TMEM132D: variants seen among roughly 807,000 people sequenced by gnomAD.
TMEM132D encodes the protein transmembrane protein 132D.
TMEM132D carries 21 observed loss-of-function variants against 62.3 expected under a neutral mutation model. That is an observed-to-expected ratio of 0.34 (90% confidence interval 0.24 to 0.49). TMEM132D has a LOEUF of 0.49. TMEM132D is among the 20% of genes least tolerant of loss of function. The pLI, the probability that TMEM132D is intolerant of heterozygous loss-of-function variation, is 0.99. For missense variants in TMEM132D, 1,346 were observed against 1,402.8 expected, an observed-to-expected ratio of 0.96 and a Z score of 0.65; for synonymous variants, 621 against 575.6, an observed-to-expected ratio of 1.08 and a Z score of -1.13.
intron 5 of TMEM132D, among the ~76,000 whole-genome samples, chr12:129,197,309 G>T (rs1000674898): frequency 6.6e-6 from 1 of 152,126 alleles, no homozygotes; most frequent in African/African-American, 2.4e-5. Flanking sequence ...AGAGTTTGCC[G>T]ACCCCTATTC....
intron 1 of TMEM132D, among the ~76,000 whole-genome samples, chr12:129,797,329 T>C (rs1871596626): frequency 6.6e-6 from 1 of 152,326 alleles, no homozygotes; most frequent in South Asian, 2.1e-4. Flanking sequence ...CTCGTTCCAC[T>C]GTATAGCAGT....
rs1248302027 is a variant in TMEM132D at position 129,078,546 on chromosome 12, C to A, written c.2103G>T (p.Gln701His). 3 of 1,613,820 alleles carry A rather than the reference C, an allele frequency of 1.9e-6. No homozygotes were observed. Among genetic ancestry groups the A allele is most frequent in the Non-Finnish European group, 2.5e-6 (3 of 1,179,968 alleles). The change falls in exon 8 of 9, where the codon CAG becomes CAT. Residue 701 changes from glutamine (Q) to histidine (H), a missense_variant. Coordinates refer to ENST00000422113, the MANE Select transcript of TMEM132D (RefSeq NM_133448.3). ...CCCTCCTCCATACCTGTTTTGGCCT[C>A]TGCAGAAGTTCCTGAGCCACTGCAG... ...FATAVAQELL[Q>H]RPKQEAAISC...
At chr12:129,390,892 T>A (rs527943358) in intron 3 of TMEM132D, among the ~76,000 whole-genome samples, 7 of 152,350 alleles carry the variant, frequency 4.6e-5, no homozygotes, top group Non-Finnish European at 4.4e-5. Context: ...ACTTTCATTA[T>A]CTCCATCTTA....
In TMEM132D at chr12:129,073,858, GTC is replaced by G; in HGVS notation, c.*15_*16del. The stretch of plus-strand genomic sequence containing the variant: ...GGCTGAAAGGTGAGTGAGAACCAAT[GTC>G]TGTGTGTGTCTGGCTTACACATTTT... On this transcript the variant is annotated 3_prime_UTR_variant, in exon 9 of 9. Coordinates refer to ENST00000422113, the MANE Select transcript of TMEM132D (RefSeq NM_133448.3). 6.6e-7 allele frequency: 1 copy of G among 1,517,168 alleles called. No homozygotes were observed. Among genetic ancestry groups the G allele is most frequent in the South Asian group, 1.3e-5 (1 of 74,734 alleles). The allele number at this position is 1,517,168 out of a possible 1,614,324, so 94.0% of individuals were successfully genotyped here.
intron 1 of TMEM132D, among the ~76,000 whole-genome samples, chr12:129,745,197 C>T (rs900839766): frequency 5.9e-5 from 9 of 152,180 alleles, no homozygotes; most frequent in African/African-American, 2.2e-4. Flanking sequence ...TTCTTTATAT[C>T]TATTTGAAAA....
chr12:129,478,969 G>C (rs1352957174), intron 3 of TMEM132D, among the ~76,000 whole-genome samples: 1 of 152,200 alleles, frequency 6.6e-6, no homozygotes, highest in African/African-American at 2.4e-5. Flanking sequence ...ATATATTTGT[G>C]GACTACTGCT....
intron 3 of TMEM132D, among the ~76,000 whole-genome samples, chr12:129,384,062 C>T (rs920492188): frequency 2.6e-5 from 4 of 152,240 alleles, no homozygotes; most frequent in Middle Eastern, 3.4e-3. Flanking sequence ...CATAACACAT[C>T]GTAAAAAAAG....
At chr12:129,448,823 G>A (rs1386014691) in intron 3 of TMEM132D, among the ~76,000 whole-genome samples, 1 of 152,146 alleles carries the variant, frequency 6.6e-6, no homozygotes. Flanking sequence ...CAAGCCTAAA[G>A]TATTTTGAAG....
intron 5 of TMEM132D, among the ~76,000 whole-genome samples, chr12:129,107,455 T>TTC (rs1046843360): frequency 2.0e-5 from 3 of 152,330 alleles, no homozygotes; most frequent in Non-Finnish European, 2.9e-5. Context: ...AAAACATCTC[T>TTC]TCACAGTCAT....
At chr12:129,198,856 C>T (rs1020652515) in intron 5 of TMEM132D, among the ~76,000 whole-genome samples, 1 of 152,100 alleles carries the variant, frequency 6.6e-6, no homozygotes, top group Non-Finnish European at 1.5e-5. Flanking sequence ...AATTATTTCA[C>T]ATTTTTTCAT....
Position 129,642,920 on chromosome 12 carries a change from CTTTTTTTTTTTT to C in TMEM132D, c.968+56878_968+56889del, listed in dbSNP as rs71082742. On this transcript the variant is annotated intron_variant, in intron 2 of 8. Transcript: ENST00000422113. ...AGACACAACCAAAGAATTTACAAAT[CTTTTTTTTTTTT>C]TTTTTTTTTGAGACGGAGTTTCACT... Among the ~76,000 whole-genome samples, 7 of 105,560 alleles carry C rather than the reference CTTTTTTTTTTTT, an allele frequency of 6.6e-5. No homozygotes were observed. The South Asian group carries it at 1.7e-3, about 25-fold the overall frequency. 69.3% of individuals were successfully genotyped at this position (105,560 alleles called of 152,430 possible).
chr12:129,842,403 T>C (rs1873226093), intron 1 of TMEM132D, among the ~76,000 whole-genome samples: 1 of 152,160 alleles, frequency 6.6e-6, no homozygotes, highest in African/African-American at 2.4e-5. Flanking sequence ...GAAATTATTC[T>C]CTTTCCGATG....
At position 129,894,985 on chromosome 12, in the gene TMEM132D, C is replaced by G. The variant is rs1875057226; in HGVS notation, c.79+8276G>C. ...GCCACGCAAAGGCCTTACCACTCCA[C>G]CCCTTCTGTGTAGCTGCTCTTCTGA... On this transcript the variant is annotated intron_variant, in intron 1 of 8. Transcript: ENST00000422113. Among the ~76,000 whole-genome samples the G allele has an allele frequency of 2.0e-5, 3 of 152,330 alleles. No individual in the cohort carries two copies. In the South Asian group the frequency reaches 6.2e-4, roughly 32 times the overall value.
intron 3 of TMEM132D, among the ~76,000 whole-genome samples, chr12:129,503,515 T>C (rs1201615753): frequency 6.6e-6 from 1 of 152,198 alleles, no homozygotes. Context: ...CTTATGTAAG[T>C]ACACAGCAAC....
At chr12:129,685,732 C>A (rs1228384215) in intron 2 of TMEM132D, among the ~76,000 whole-genome samples, 1 of 152,188 alleles carries the variant, frequency 6.6e-6, no homozygotes, top group Non-Finnish European at 1.5e-5. Context: ...GCTGCAGACA[C>A]AATGCCAGCC....
At chr12:129,293,460 G>A (rs1201104657) in intron 4 of TMEM132D, among the ~76,000 whole-genome samples, 3 of 152,270 alleles carry the variant, frequency 2.0e-5, no homozygotes, top group South Asian at 2.1e-4. Context: ...TTCCAAAGAC[G>A]GGTGGCGGGA....
intron 2 of TMEM132D, among the ~76,000 whole-genome samples, chr12:129,665,421 G>A (rs894021698): frequency 2.0e-5 from 3 of 152,106 alleles, no homozygotes; most frequent in South Asian, 2.1e-4. Context: ...AGAATAGCAG[G>A]AAATGAGCGC....
intron 1 of TMEM132D, among the ~76,000 whole-genome samples, chr12:129,824,895 G>A (rs1048749470): frequency 2.0e-5 from 3 of 152,202 alleles, no homozygotes; most frequent in Admixed American, 1.3e-4. Context: ...GTAGAGAGCA[G>A]GCGAGAGAGC....
intron 1 of TMEM132D, among the ~76,000 whole-genome samples, chr12:129,706,904 G>A (rs1407289273): frequency 6.6e-6 from 1 of 151,514 alleles, no homozygotes; most frequent in African/African-American, 2.4e-5. Context: ...TGCTAATAAT[G>A]GCAATACTAC....
Sources: gnomAD v4.1 joint callset for allele counts (sites outside exome capture counted in the v4.1 genomes callset) on GRCh38, gnomAD v4.1.1 for gene constraint, MANE v1.5 for transcripts, NCBI Gene and HGNC (gene_info 2026-07-23, HGNC 2026-07-21) for gene names.